NFIA: variants seen among roughly 807,000 people sequenced by gnomAD.
NFIA encodes nuclear factor I A.
In NFIA, 8 loss-of-function variants were observed where a neutral mutation model predicts 62.8. The observed-to-expected ratio is 0.13, with a 90% CI of 0.07 to 0.23. NFIA has a LOEUF of 0.23. Ranked by LOEUF, NFIA falls within the 10% of genes least tolerant of loss-of-function variation. The pLI is 1.00. For synonymous variants in NFIA, 235 were observed against 238.1 expected, an observed-to-expected ratio of 0.99 and a Z score of 0.12; for missense variants, 410 against 642.1, an observed-to-expected ratio of 0.64 and a Z score of 3.91.
chr1:61,250,364 C>G (rs968974915), intron 2 of NFIA, among the ~76,000 whole-genome samples: 4 of 152,116 alleles, frequency 2.6e-5, no homozygotes, highest in African/African-American at 7.2e-5. Context: ...ATTGGAAGAC[C>G]TTTCTCCATT....
chr1:61,313,095 A>T (rs921485009), intron 3 of NFIA, among the ~76,000 whole-genome samples: 3 of 152,216 alleles, frequency 2.0e-5, no homozygotes, highest in Non-Finnish European at 4.4e-5. Context: ...CAGAGGGAAG[A>T]AGTAGAGGGG....
intron 2 of NFIA, among the ~76,000 whole-genome samples, chr1:61,187,882 C>T (rs975469504): frequency 6.6e-6 from 1 of 152,142 alleles, no homozygotes; most frequent in African/African-American, 2.4e-5. Flanking sequence ...GGGCTGTGCC[C>T]TCCTTCTCCA....
chr1:61,239,695 CTA>C, intron 2 of NFIA, among the ~76,000 whole-genome samples: 1 of 152,134 alleles, frequency 6.6e-6, no homozygotes, highest in South Asian at 2.1e-4. Context: ...GGAGCAAATG[CTA>C]TGTCTTTAAA....
intron 1 of NFIA, 59 bp downstream of exon 1, chr1:61,082,877 G>T (rs1042621057): frequency 2.0e-6 from 3 of 1,516,742 alleles, no homozygotes; most frequent in Non-Finnish European, 2.7e-6. Context: ...GCAGGGCTGG[G>T]GCTGGGTGGG....
At chr1:61,220,897 C>T (rs567714287) in intron 2 of NFIA, among the ~76,000 whole-genome samples, 3 of 152,134 alleles carry the variant, frequency 2.0e-5, no homozygotes, top group Non-Finnish European at 4.4e-5. Context: ...AGGTATAAAA[C>T]AAATAAATAT....
At chr1:61,145,760 G>A (rs567557795) in intron 2 of NFIA, among the ~76,000 whole-genome samples, 1 of 152,192 alleles carries the variant, frequency 6.6e-6, no homozygotes, top group Non-Finnish European at 1.5e-5. Flanking sequence ...AAACCATTTG[G>A]CGTTCTTCTG....
At chr1:61,314,524 A>T (rs896786657) in intron 3 of NFIA, among the ~76,000 whole-genome samples, 10 of 152,194 alleles carry the variant, frequency 6.6e-5, no homozygotes. Context: ...TAATGCACTA[A>T]ATTATGATTC....
intron 9 of NFIA, among the ~76,000 whole-genome samples, chr1:61,424,838 T>C (rs915810019): frequency 2.0e-5 from 3 of 152,176 alleles, no homozygotes; most frequent in Admixed American, 6.5e-5. Context: ...TTTACTGAGC[T>C]TTTAAAAAAA....
chr1:61,154,518 T>C lies in NFIA; in HGVS notation c.559+65838T>C, dbSNP rs757845921. ...CAGACTGGAGTGCAGTGACACGATA[T>C]TGGCTCACTGCAGCCCTCGCCTTCT... On this transcript the variant is annotated intron_variant, in intron 2 of 10. Coordinates refer to ENST00000403491, the MANE Select transcript of NFIA (RefSeq NM_001134673.4). 3.9e-5 allele frequency among the ~76,000 whole-genome samples: 6 copies of C among 152,184 alleles called. No individual in the cohort carries two copies. In the East Asian group the frequency reaches 5.8e-4, roughly 15 times the overall value.
chr1:61,092,353 A>G (rs1226942723), intron 2 of NFIA, among the ~76,000 whole-genome samples: 2 of 152,242 alleles, frequency 1.3e-5, no homozygotes, highest in Admixed American at 1.3e-4. Flanking sequence ...TGGCAGCAGT[A>G]TGAGTACTTG....
At chr1:61,160,034 T>C (rs1360493347) in intron 2 of NFIA, among the ~76,000 whole-genome samples, 1 of 152,194 alleles carries the variant, frequency 6.6e-6, no homozygotes, top group African/African-American at 2.4e-5. Context: ...AGGACATTTG[T>C]TTATAGATAC....
chr1:61,170,309 A>G (rs1649865535), intron 2 of NFIA, among the ~76,000 whole-genome samples: 1 of 152,204 alleles, frequency 6.6e-6, no homozygotes, highest in Non-Finnish European at 1.5e-5. Context: ...GGACAGGTTC[A>G]CAGCTGCTCT....
chr1:61,404,388 G>T, intron 8 of NFIA, 106 bp downstream of exon 8: 1 of 1,155,288 alleles, frequency 8.7e-7, no homozygotes, highest in East Asian at 2.6e-5. Context: ...ATGTTGTGCT[G>T]ACTGACTGCA....
intron 2 of NFIA, among the ~76,000 whole-genome samples, chr1:61,163,661 T>C (rs1292638580): frequency 6.6e-6 from 1 of 152,206 alleles, no homozygotes; most frequent in East Asian, 1.9e-4. Flanking sequence ...AAAAAAGACA[T>C]ACTTTTATAA....
chr1:61,283,581 CAAAAAAAAAAAA>C (rs576613886), intron 3 of NFIA, among the ~76,000 whole-genome samples: 16 of 36,694 alleles, frequency 4.4e-4, no homozygotes, highest in Non-Finnish European at 3.8e-4. Flanking sequence ...GACTCTGTCT[CAAAAAAAAAAAA>C]AAAAAAAAAA....
At chr1:61,304,329 C>G (rs911577865) in intron 3 of NFIA, among the ~76,000 whole-genome samples, 5 of 152,152 alleles carry the variant, frequency 3.3e-5, no homozygotes, top group Admixed American at 6.5e-5. Context: ...GAGCTATGCT[C>G]TCTCTCCATT....
At chr1:61,141,162 G>T (rs756292082) in intron 2 of NFIA, among the ~76,000 whole-genome samples, 6 of 152,004 alleles carry the variant, frequency 3.9e-5, no homozygotes, top group Non-Finnish European at 5.9e-5. Flanking sequence ...TAAGTGTCTG[G>T]TGAAAGTAGG....
intron 9 of NFIA, among the ~76,000 whole-genome samples, chr1:61,413,038 A>T (rs1250445210): frequency 6.6e-6 from 1 of 152,220 alleles, no homozygotes; most frequent in African/African-American, 2.4e-5. Flanking sequence ...AAGATAAAAC[A>T]TGCATATTTT....
chr1:61,444,943 C>T (rs888533086), intron 10 of NFIA, among the ~76,000 whole-genome samples: 1 of 152,114 alleles, frequency 6.6e-6, no homozygotes, highest in African/African-American at 2.4e-5. Context: ...CAAACTAGCA[C>T]TGTGTGTGTG....
Sources: allele counts gnomAD v4.1 joint callset (sites outside exome capture counted in the v4.1 genomes callset), GRCh38; gene constraint gnomAD v4.1.1; transcripts MANE v1.5; gene names NCBI Gene and HGNC (gene_info 2026-07-23, HGNC 2026-07-21).